KCNB2: variants seen among roughly 807,000 people sequenced by gnomAD.
The protein encoded by KCNB2 is delayed rectifier potassium channel protein.
KCNB2 carries 15 observed loss-of-function variants against 61.5 expected under a neutral mutation model. The ratio of observed to expected loss-of-function variants is 0.24; its 90% confidence interval spans 0.16 to 0.38. KCNB2 has a LOEUF of 0.38. Among genes scored for constraint, KCNB2 ranks in the 10% least tolerant of loss-of-function variants. The probability of loss-of-function intolerance (pLI) is 1.00; values close to 1 mark genes in which losing one functional copy is unlikely to be tolerated. For missense variants in KCNB2, 828 were observed against 1,125.2 expected (o/e 0.74, Z 3.78); for synonymous variants, 457 against 446.0 (o/e 1.02, Z -0.31).
At chr8:72,723,580 TG>T (rs1034027218) in intron 2 of KCNB2, among the ~76,000 whole-genome samples, 1 of 152,154 alleles carries the variant, frequency 6.6e-6, no homozygotes, top group African/African-American at 2.4e-5. Context: ...CTCCCACTCC[TG>T]GGAGACCCAG....
intron 2 of KCNB2, among the ~76,000 whole-genome samples, chr8:72,781,622 T>C (rs1002629294): frequency 6.6e-6 from 1 of 152,198 alleles, no homozygotes; most frequent in African/African-American, 2.4e-5. Context: ...AGCCTTGTAG[T>C]ATAGTTTGAA....
intron 2 of KCNB2, among the ~76,000 whole-genome samples, chr8:72,700,808 A>G (rs1398608478): frequency 6.6e-6 from 1 of 152,218 alleles, no homozygotes; most frequent in Non-Finnish European, 1.5e-5. Flanking sequence ...AACACTGTTT[A>G]CTATAACAAA....
At chr8:72,778,967 A>T (rs1808711217) in intron 2 of KCNB2, among the ~76,000 whole-genome samples, 1 of 152,014 alleles carries the variant, frequency 6.6e-6, no homozygotes, top group Non-Finnish European at 1.5e-5. Flanking sequence ...CTACCTGCAG[A>T]GCAGGTGGTG....
At chr8:72,592,597 A>G (rs1807118638) in intron 2 of KCNB2, among the ~76,000 whole-genome samples, 1 of 152,066 alleles carries the variant, frequency 6.6e-6, no homozygotes, top group African/African-American at 2.4e-5. Flanking sequence ...GTGAAATATG[A>G]ATATTGTAGT....
intron 2 of KCNB2, among the ~76,000 whole-genome samples, chr8:72,638,988 A>C (rs1806010943): frequency 6.6e-6 from 1 of 152,158 alleles, no homozygotes; most frequent in Non-Finnish European, 1.5e-5. Context: ...TTGAATTTTC[A>C]TTATTGGCTT....
At chr8:72,794,937 GA>G (rs143419464) in intron 2 of KCNB2, among the ~76,000 whole-genome samples, 21,464 of 151,636 alleles carry the variant, frequency 0.14, 1,836 homozygotes, top group South Asian at 0.3. Context: ...GTAACCACTG[GA>G]AAAAAAAAGT....
intron 2 of KCNB2, among the ~76,000 whole-genome samples, chr8:72,919,383 G>A (rs1218452525): frequency 1.3e-5 from 2 of 152,158 alleles, no homozygotes; most frequent in African/African-American, 2.4e-5. Flanking sequence ...TCTCACTATG[G>A]AGATTAAGAA....
chr8:72,858,395 TA>T (rs971169428), intron 2 of KCNB2, among the ~76,000 whole-genome samples: 34 of 152,122 alleles, frequency 2.2e-4, no homozygotes, highest in African/African-American at 7.7e-4. Context: ...TAACTTTTTT[TA>T]AAAAAAAGAT....
intron 2 of KCNB2, among the ~76,000 whole-genome samples, chr8:72,638,428 T>G (rs1585799922): frequency 6.6e-6 from 1 of 152,144 alleles, no homozygotes; most frequent in East Asian, 1.9e-4. Flanking sequence ...GCTTCCTAAG[T>G]GTTGCTGATT....
chr8:72,780,181 G>A (rs912427020), intron 2 of KCNB2, among the ~76,000 whole-genome samples: 1 of 152,130 alleles, frequency 6.6e-6, no homozygotes, highest in Non-Finnish European at 1.5e-5. Flanking sequence ...TTTACTTTAT[G>A]TATAACTTAC....
chr8:72,715,230 C>T (rs2128992214), intron 2 of KCNB2, among the ~76,000 whole-genome samples: 1 of 152,324 alleles, frequency 6.6e-6, no homozygotes, highest in South Asian at 2.1e-4. Context: ...TAATACCCCA[C>T]TGTCAACATT....
At chr8:72,923,709 G>A (rs1411384410) in intron 2 of KCNB2, among the ~76,000 whole-genome samples, 1 of 117,626 alleles carries the variant, frequency 8.5e-6, no homozygotes, top group Non-Finnish European at 1.7e-5. Flanking sequence ...ATTGAAATTA[G>A]TCAGCAACAT....
intron 2 of KCNB2, among the ~76,000 whole-genome samples, chr8:72,741,643 C>T (rs1360451151): frequency 6.6e-6 from 1 of 152,000 alleles, no homozygotes; most frequent in East Asian, 1.9e-4. Context: ...ATCTTAGCTC[C>T]CACTGGTAAG....
chr8:72,634,677 A>G (rs1386964930), intron 2 of KCNB2, among the ~76,000 whole-genome samples: 1 of 152,226 alleles, frequency 6.6e-6, no homozygotes, highest in Non-Finnish European at 1.5e-5. Flanking sequence ...AGGAAGAACA[A>G]CCATGAAGAA....
At chr8:72,922,984 G>A (rs1370750267) in intron 2 of KCNB2, among the ~76,000 whole-genome samples, 1 of 146,352 alleles carries the variant, frequency 6.8e-6, no homozygotes, top group Non-Finnish European at 1.5e-5. Flanking sequence ...ATGTACATTG[G>A]TTTTGTCTGG....
At chr8:72,832,672 A>G (rs1024663512) in intron 2 of KCNB2, among the ~76,000 whole-genome samples, 1 of 152,200 alleles carries the variant, frequency 6.6e-6, no homozygotes, top group Admixed American at 6.5e-5. Context: ...AGATGCTGGC[A>G]GAAGACGGAG....
chr8:72,709,141 G>C (rs1321680534), intron 2 of KCNB2, among the ~76,000 whole-genome samples: 2 of 152,124 alleles, frequency 1.3e-5, no homozygotes, highest in South Asian at 2.1e-4. Flanking sequence ...CCAGCTGTTT[G>C]AGCCTAACCT....
chr8:72,800,885 A>T (rs1809114615), intron 2 of KCNB2, among the ~76,000 whole-genome samples: 1 of 152,222 alleles, frequency 6.6e-6, no homozygotes, highest in Admixed American at 6.5e-5. Context: ...GAAGAATACC[A>T]ACTAAGTTAA....
chr8:72,842,703 T>C (rs1457629333), intron 2 of KCNB2, among the ~76,000 whole-genome samples: 1 of 152,216 alleles, frequency 6.6e-6, no homozygotes, highest in Non-Finnish European at 1.5e-5. Flanking sequence ...TTCTTCTAGA[T>C]TTTCTAGTTT....
Sources: allele counts gnomAD v4.1 joint callset (sites outside exome capture counted in the v4.1 genomes callset), GRCh38; gene constraint gnomAD v4.1.1; transcripts MANE v1.5; gene names NCBI Gene and HGNC (gene_info 2026-07-23, HGNC 2026-07-21).